ANK3: variants seen among roughly 807,000 people sequenced by gnomAD.
The protein encoded by ANK3 is ankyrin-3.
In ANK3, 57 loss-of-function variants were observed where a neutral mutation model predicts 370.9. That is an observed-to-expected ratio of 0.15 (90% CI 0.12 to 0.19). The LOEUF (loss-of-function observed/expected upper bound fraction) is 0.19, where lower values mean the gene tolerates loss of function less well. Ranked by LOEUF, ANK3 falls within the 10% of genes least tolerant of loss-of-function variation. The probability of loss-of-function intolerance (pLI) is 1.00; values close to 1 mark genes in which losing one functional copy is unlikely to be tolerated. For synonymous variants in ANK3, 1,929 were observed against 1,946.3 expected (o/e 0.99, Z 0.23); for missense variants, 4,439 against 5,302.1 (o/e 0.84, Z 5.06).
chr10:60,234,275 T>C (rs1047514974), intron 8 of ANK3, among the ~76,000 whole-genome samples: 7 of 152,328 alleles, frequency 4.6e-5, no homozygotes, highest in African/African-American at 1.4e-4. Flanking sequence ...ATGTTAGCTC[T>C]ATTTTTAATT....
intron 2 of ANK3, among the ~76,000 whole-genome samples, chr10:60,508,816 C>A (rs1294706557): frequency 1.3e-5 from 2 of 152,214 alleles, no homozygotes; most frequent in East Asian, 1.9e-4. Flanking sequence ...TCTATAAATT[C>A]TTTGACAGAT....
rs141511303 is a variant in ANK3, at chr10:60,389,447, C to G, written c.92G>C (p.Arg31Pro). ...EPEKKRKHRK[R>P]SRDRKKKSDA... is the part of the protein sequence containing the mutation. ...TACCTTTTTCTTCCGATCCCGGGAC[C>G]GTTTGCGGTGTTTCCTTTTTTTCTC... The change falls in exon 1 of 44, where the codon CGG becomes CCG. Residue 31 changes from arginine (R) to proline (P), a missense_variant. Around this residue, in one of 13 missense-constraint regions of ANK3, gnomAD observed 54 missense variants for 52.7 expected, o/e 1.02. Transcript: ENST00000280772. 5.9e-5 allele frequency: 96 copies of G among 1,613,840 alleles called. No homozygotes were observed. The highest frequency in any genetic ancestry group is 3.3e-4 in the Middle Eastern group (2 of 6,084).
intron 8 of ANK3, among the ~76,000 whole-genome samples, chr10:60,220,354 A>T (rs545896849): frequency 5.9e-5 from 9 of 152,340 alleles, no homozygotes; most frequent in African/African-American, 2.2e-4. Context: ...AGCCAAGGGC[A>T]TTCCAAAATT....
intron 2 of ANK3, among the ~76,000 whole-genome samples, chr10:60,511,837 C>T (rs141305643): frequency 2.3e-3 from 348 of 150,528 alleles, no homozygotes; most frequent in Non-Finnish European, 4.0e-3. Context: ...TTGTGCAGTA[C>T]ACAGAATATT....
intron 16 of ANK3, among the ~76,000 whole-genome samples, chr10:60,192,796 C>T (rs950828684): frequency 6.6e-6 from 1 of 152,038 alleles, no homozygotes. Flanking sequence ...CAGCACTAAG[C>T]GACATATCCA....
intron 2 of ANK3, among the ~76,000 whole-genome samples, chr10:60,454,058 T>C (rs1010823967): frequency 2.0e-5 from 3 of 152,186 alleles, no homozygotes; most frequent in African/African-American, 7.2e-5. Flanking sequence ...TTTAAAGCCA[T>C]TCTTGTCTAC....
At chr10:60,144,185 A>T (rs1255927708) in intron 23 of ANK3, 1 of 446,608 alleles carries the variant, frequency 2.2e-6, no homozygotes, top group African/African-American at 2.0e-5. Context: ...ACCTTAAATC[A>T]CTGAGTTTCG....
intron 1 of ANK3, among the ~76,000 whole-genome samples, chr10:60,665,644 A>G (rs1379355829): frequency 6.6e-6 from 1 of 152,214 alleles, no homozygotes; most frequent in East Asian, 1.9e-4. Context: ...ATGAAAAATA[A>G]AATAGCAATT....
Position 60,072,170 on chromosome 10 carries a change from T to A in ANK3, c.8711A>T (p.Glu2904Val). 1 of 1,613,788 alleles carries A rather than the reference T, an allele frequency of 6.2e-7. No individual in the cohort carries two copies. The highest frequency in any genetic ancestry group is 1.3e-5 in the African/African-American group (1 of 74,988). Residue 2904 changes from glutamate (E) to valine (V), a missense_variant, in exon 37 of 44, where the codon GAA (glutamate) becomes GTA (valine). Glu to Val is a moderately radical substitution (Grantham distance 121). Transcript: ENST00000280772. Reference protein sequence around the residue: ...KNEFMSVTERERKLLTNGSLS... With the variant: ...KNEFMSVTERVRKLLTNGSLS... ...AGAGCCGTTTGTTAACAATTTGCGTTCTCTCTCAGTCACAGACATAAATTC... is the reference window on the plus strand; with the variant it reads ...AGAGCCGTTTGTTAACAATTTGCGTACTCTCTCAGTCACAGACATAAATTC...
At chr10:60,306,697 T>C (rs1291395549) in intron 1 of ANK3, among the ~76,000 whole-genome samples, 1 of 152,158 alleles carries the variant, frequency 6.6e-6, no homozygotes, top group East Asian at 1.9e-4. Context: ...ACCAGCAGTG[T>C]AAAAGTGTTG....
chr10:60,573,824 C>T (rs950609207), intron 2 of ANK3, among the ~76,000 whole-genome samples: 5 of 152,076 alleles, frequency 3.3e-5, no homozygotes, highest in Admixed American at 3.3e-4. Context: ...AGTGGGGTAA[C>T]AAGTGGGAAA....
intron 24 of ANK3, chr10:60,137,461 C>T: frequency 1.5e-5 from 4 of 268,858 alleles, no homozygotes; most frequent in South Asian, 7.9e-5. Flanking sequence ...ATGAGTTACA[C>T]ATTTAATGTA....
intron 7 of ANK3, among the ~76,000 whole-genome samples, chr10:60,250,555 C>T (rs187990970): frequency 0.017 from 2,566 of 151,996 alleles, 33 homozygotes; most frequent in South Asian, 0.036. Flanking sequence ...TTAGTAGAGA[C>T]GGAGTTTCAC....
intron 2 of ANK3, among the ~76,000 whole-genome samples, chr10:60,559,643 T>C (rs932964236): frequency 2.0e-5 from 3 of 152,154 alleles, no homozygotes; most frequent in South Asian, 2.1e-4. Context: ...CTCTAATATA[T>C]GTGATTCCAT....
intron 25 of ANK3, among the ~76,000 whole-genome samples, chr10:60,128,493 C>T (rs2093891518): frequency 6.6e-6 from 1 of 152,008 alleles, no homozygotes; most frequent in Non-Finnish European, 1.5e-5. Flanking sequence ...GATTCTCCTG[C>T]CTCAGCCTCC....
chr10:60,451,192 C>T (rs555987718), intron 2 of ANK3, among the ~76,000 whole-genome samples: 2 of 152,148 alleles, frequency 1.3e-5, no homozygotes, highest in African/African-American at 2.4e-5. Flanking sequence ...GAAAGAGAGT[C>T]GCCCTCAGAA....
At chr10:60,488,783 T>C (rs1172025119) in intron 2 of ANK3, among the ~76,000 whole-genome samples, 1 of 152,222 alleles carries the variant, frequency 6.6e-6, no homozygotes, top group East Asian at 1.9e-4. Flanking sequence ...AAATGCATTT[T>C]TCAATCAAAT....
intron 25 of ANK3, among the ~76,000 whole-genome samples, chr10:60,117,111 A>G (rs562636309): frequency 1.6e-4 from 24 of 152,356 alleles, no homozygotes; most frequent in African/African-American, 5.3e-4. Flanking sequence ...AATTAAAAAC[A>G]AGTATAAACT....
chr10:60,728,348 A>C (rs2079972369), intron 1 of ANK3, among the ~76,000 whole-genome samples: 1 of 152,218 alleles, frequency 6.6e-6, no homozygotes. Context: ...TGGAACTAAC[A>C]AATGTTTGTT....
Sources: allele counts gnomAD v4.1 joint callset (sites outside exome capture counted in the v4.1 genomes callset), GRCh38; gene constraint gnomAD v4.1.1; regional missense constraint gnomAD v4.1.1; transcripts MANE v1.5; gene names NCBI Gene and HGNC (gene_info 2026-07-23, HGNC 2026-07-21).